Variants in SNRPN observed in about 807,000 individuals in gnomAD.
The protein encoded by SNRPN is small nuclear ribonucleoprotein-associated protein N.
SNRPN carries 7 observed loss-of-function variants against 25.2 expected under a neutral mutation model. The ratio of observed to expected loss-of-function variants is 0.28; its 90% CI spans 0.16 to 0.52. SNRPN has a LOEUF of 0.52. SNRPN is among the 20% of genes least tolerant of loss of function. The pLI, the probability that SNRPN is intolerant of heterozygous loss-of-function variation, is 0.96. For missense variants in SNRPN, 196 were observed against 322.5 expected (o/e 0.61, Z 3.00); for synonymous variants, 124 against 110.6 (o/e 1.12, Z -0.76).
upstream of SNRPN, among the ~76,000 whole-genome samples, chr15:24,951,508 T>A (rs1411843959): frequency 6.6e-6 from 1 of 151,214 alleles, no homozygotes; most frequent in Non-Finnish European, 1.5e-5. Flanking sequence ...TGTTGAATAG[T>A]AACACTTTTT....
chr15:24,890,255 G>T (rs1370732791), intron 2 of SNRPN, among the ~76,000 whole-genome samples: 1 of 152,050 alleles, frequency 6.6e-6, no homozygotes, highest in East Asian at 1.9e-4. Flanking sequence ...TTTCAGAGGA[G>T]TTCTGCCCTA....
intron 2 of SNRPN, among the ~76,000 whole-genome samples, chr15:24,906,877 T>C (rs562451147): frequency 2.5e-4 from 38 of 152,268 alleles, no homozygotes; most frequent in Non-Finnish European, 4.8e-4. Flanking sequence ...TAGTTGATTT[T>C]GCAGGATCTG....
intron 2 of SNRPN, among the ~76,000 whole-genome samples, chr15:24,839,623 T>C (rs1296125928): frequency 6.6e-6 from 1 of 152,102 alleles, no homozygotes; most frequent in Non-Finnish European, 1.5e-5. Flanking sequence ...TGTTGTTTGG[T>C]CCACTGGGCA....
chr15:24,878,030 A>C (rs2056155260), intron 1 of SNRPN, among the ~76,000 whole-genome samples: 1 of 152,128 alleles, frequency 6.6e-6, no homozygotes, highest in African/African-American at 2.4e-5. Context: ...AAACACATAA[A>C]ATTTGATTGT....
intron 1 of SNRPN, among the ~76,000 whole-genome samples, chr15:24,859,145 C>T (rs1288769102): frequency 1.3e-5 from 2 of 152,158 alleles, no homozygotes; most frequent in Non-Finnish European, 2.9e-5. Context: ...GGACTTGGGG[C>T]AGGAATAAAG....
At chr15:24,926,566 G>GTGTC (rs1250837554) in intron 3 of SNRPN, among the ~76,000 whole-genome samples, 1 of 151,314 alleles carries the variant, frequency 6.6e-6, no homozygotes, top group Non-Finnish European at 1.5e-5. Context: ...CATTGCCTAT[G>GTGTC]TGTCTTCCAG....
At chr15:24,899,119 A>C (rs2058273273) in intron 2 of SNRPN, among the ~76,000 whole-genome samples, 1 of 152,198 alleles carries the variant, frequency 6.6e-6, no homozygotes, top group South Asian at 2.1e-4. Context: ...GACACGTTCC[A>C]AGACTCTTTT....
At chr15:24,864,417 C>G (rs1204896386) in intron 1 of SNRPN, among the ~76,000 whole-genome samples, 1 of 134,312 alleles carries the variant, frequency 7.4e-6, no homozygotes, top group African/African-American at 2.8e-5. Flanking sequence ...AATCTCGGCT[C>G]GCTGCAACCT....
intron 2 of SNRPN, among the ~76,000 whole-genome samples, chr15:24,917,418 G>C (rs1203543716): frequency 2.0e-5 from 3 of 152,180 alleles, no homozygotes; most frequent in African/African-American, 7.2e-5. Flanking sequence ...CTCCTGAAGA[G>C]GAGAATTTAG....
At chr15:24,857,508 A>G (rs1052234530) in intron 1 of SNRPN, among the ~76,000 whole-genome samples, 2 of 152,132 alleles carry the variant, frequency 1.3e-5, no homozygotes, top group African/African-American at 2.4e-5. Context: ...TGATCTTGTA[A>G]TAAGGAAATT....
At chr15:24,917,215 G>A (rs556937637) in intron 2 of SNRPN, among the ~76,000 whole-genome samples, 2 of 152,218 alleles carry the variant, frequency 1.3e-5, no homozygotes, top group Non-Finnish European at 2.9e-5. Flanking sequence ...CTCAGAATCA[G>A]CTTTTAAAGG....
chr15:24,888,781 A>G (rs560017633), intron 2 of SNRPN, among the ~76,000 whole-genome samples: 310 of 152,332 alleles, frequency 2.0e-3, no homozygotes, highest in Non-Finnish European at 3.9e-3. Context: ...TAAACACAAG[A>G]ACAACGTACT....
chr15:24,832,974 A>G (rs1005178080), intron 2 of SNRPN, among the ~76,000 whole-genome samples: 17 of 151,872 alleles, frequency 1.1e-4, no homozygotes, highest in East Asian at 1.9e-4. Flanking sequence ...GCGTGGTGGC[A>G]GGCGCCTGCA....
intron 1 of SNRPN, among the ~76,000 whole-genome samples, chr15:24,884,599 G>C (rs1172333192): frequency 6.6e-6 from 1 of 151,366 alleles, no homozygotes; most frequent in Non-Finnish European, 1.5e-5. Context: ...GGATAATTTG[G>C]TGTGGATAGC....
Position 24,976,956 on chromosome 15 carries a change from C to A in SNRPN, c.347C>A (p.Ala116Asp). The A allele has an allele frequency of 6.2e-7, 1 of 1,606,336 alleles. No homozygotes were observed. The highest frequency in any genetic ancestry group is 8.5e-7 in the Non-Finnish European group (1 of 1,177,424). Residue 116 changes from alanine to aspartate, a missense_variant, in exon 7 of 10, where the codon GCT (alanine) becomes GAT (aspartate). Physicochemically the swap from Ala to Asp is moderately radical, Grantham distance 126 (BLOSUM62 -2). Transcript: ENST00000390687. ...VGRAAGRGVP[A>D]GVPIPQAPAG... ...AGGGCAGCTGGTAGAGGAGTACCAGCTGGTGTGCCAATTCCCCAGGCCCCT... is the reference window on the plus strand; with the variant it reads ...AGGGCAGCTGGTAGAGGAGTACCAGATGGTGTGCCAATTCCCCAGGCCCCT...
intron 3 of SNRPN, among the ~76,000 whole-genome samples, chr15:24,933,632 T>C (rs1229585536): frequency 6.6e-6 from 1 of 151,918 alleles, no homozygotes; most frequent in Non-Finnish European, 1.5e-5. Flanking sequence ...AGAGGAGAAT[T>C]TGATGGCCAT....
intron 2 of SNRPN, among the ~76,000 whole-genome samples, chr15:24,919,819 G>A (rs2059931060): frequency 6.6e-6 from 1 of 152,156 alleles, no homozygotes; most frequent in African/African-American, 2.4e-5. Context: ...TCAGGTGCCT[G>A]ACTAATGTTT....
intron 3 of SNRPN, among the ~76,000 whole-genome samples, chr15:24,925,834 C>T (rs1378115416): frequency 6.6e-6 from 1 of 151,920 alleles, no homozygotes; most frequent in Non-Finnish European, 1.5e-5. Context: ...CTCTGCCTCC[C>T]AGGTTCACGC....
intron 3 of SNRPN, among the ~76,000 whole-genome samples, chr15:24,970,966 T>A (rs2076325210): frequency 1.3e-5 from 2 of 152,192 alleles, no homozygotes. Flanking sequence ...AGACCCTCTA[T>A]AATTTTAAAT....
Sources: gnomAD v4.1 joint callset for allele counts (sites outside exome capture counted in the v4.1 genomes callset) on GRCh38, gnomAD v4.1.1 for gene constraint, MANE v1.5 for transcripts, NCBI Gene and HGNC (gene_info 2026-07-23, HGNC 2026-07-21) for gene names.